The following LMF1 variants were observed in gnomAD, a reference collection of about 807,000 sequenced individuals.
LMF1 encodes transmembrane protein 112.
A neutral mutation model predicts 60.6 loss-of-function variants in LMF1; 68 were observed. The observed-to-expected ratio is 1.12, with a 90% CI of 0.92 to 1.37. The LOEUF (loss-of-function observed/expected upper bound fraction) is 1.37, where lower values mean the gene tolerates loss of function less well. Ranked by LOEUF, LMF1 falls within the 40% of genes most tolerant of loss-of-function variation. The pLI is 0.00. For synonymous variants in LMF1, 418 were observed against 324.7 expected (o/e 1.29, Z -3.09); for missense variants, 948 against 767.2 (o/e 1.24, Z -2.78).
chr16:924,080 C>G (rs147875924), intron 3 of LMF1, among the ~76,000 whole-genome samples: 386 of 152,242 alleles, frequency 2.5e-3, no homozygotes, highest in Non-Finnish European at 3.6e-3. Flanking sequence ...ACAATATTTA[C>G]AGAGTCAAAA....
chr16:968,076 C>T (rs964257822), intron 1 of LMF1, among the ~76,000 whole-genome samples: 2 of 152,234 alleles, frequency 1.3e-5, no homozygotes, highest in Non-Finnish European at 2.9e-5. Context: ...GCGGTATGCA[C>T]GTCTGTGTGC....
chr16:923,563 G>C lies in LMF1; in HGVS notation c.514+10681C>G, dbSNP rs141153819. On this transcript the variant is annotated intron_variant, in intron 3 of 10. Transcript: ENST00000262301. ...TAGGTTGAGACTAGCCTGAGCAACA[G>C]AGCAAGATCCCAGCTCTAAAAAAGA... Among the ~76,000 whole-genome samples, 214 of 152,288 alleles carry C rather than the reference G, an allele frequency of 1.4e-3. 1 individual carries two copies. Among genetic ancestry groups the C allele is most frequent in the African/African-American group, 4.7e-3 (196 of 41,560 alleles).
intron 3 of LMF1, chr16:931,859 T>G (rs2151784036): frequency 2.4e-6 from 3 of 1,243,692 alleles, no homozygotes; most frequent in Non-Finnish European, 3.1e-6. Context: ...ACATTAACAT[T>G]AATGAGTCAA....
At chr16:861,746 C>T (rs2069473421) in intron 10 of LMF1, among the ~76,000 whole-genome samples, 1 of 152,208 alleles carries the variant, frequency 6.6e-6, no homozygotes, top group South Asian at 2.1e-4. Context: ...AGTTTCGTTT[C>T]TTCCTTTGTG....
Position 917,330 on chromosome 16 carries a change from A to ACG in LMF1, c.515-6252_515-6251insCG, listed in dbSNP as rs1491300915. Reference sequence around the variant, plus strand: ...ACAGGCCCACGTGAAGAAATGCCACATGTGTGCACTGCGGGTGGGCGCAGG... The same window carrying ACG: ...ACAGGCCCACGTGAAGAAATGCCACACGTGTGTGCACTGCGGGTGGGCGCAGG... On this transcript the variant is annotated intron_variant, in intron 3 of 10. Transcript: ENST00000262301. Among the ~76,000 whole-genome samples, 126 of 97,008 alleles carry ACG rather than the reference A, an allele frequency of 1.3e-3. 5 individuals are homozygous for ACG. Among genetic ancestry groups the ACG allele is most frequent in the African/African-American group, 6.3e-3 (114 of 17,994 alleles). The allele number at this position is 97,008 out of a possible 152,430, so 63.6% of individuals were successfully genotyped here.
intron 2 of LMF1, among the ~76,000 whole-genome samples, chr16:948,391 G>A (rs1470267924): frequency 6.6e-6 from 1 of 150,412 alleles, no homozygotes; most frequent in African/African-American, 2.4e-5. Flanking sequence ...GCCAACGTCA[G>A]AGTCAGCCAA....
In LMF1 at chr16:911,065, G is replaced by A. The variant is rs567116600; in HGVS notation, c.529C>T (p.Leu177Phe). ...ATCCCCAGGAACCCCGTCTCCAGAA[G>A]CTGGGACTCCCATCCTAAAACAACG... ...VWYSFGWESQ[L>F]LETGFLGIFL... Residue 177 changes from leucine (L) to phenylalanine (F), a missense_variant, in exon 4 of 11, where the codon CTT (leucine) becomes TTT (phenylalanine). By Grantham distance (22) the Leu-to-Phe change is conservative. Coordinates refer to ENST00000262301, the MANE Select transcript of LMF1 (RefSeq NM_022773.4). The A allele has an allele frequency of 8.7e-6, 14 of 1,612,142 alleles. 1 individual carries two copies. The Middle Eastern group carries it at 4.9e-4, about 57-fold the overall frequency.
intron 3 of LMF1, chr16:931,633 G>C (rs1417293829): frequency 7.8e-7 from 1 of 1,286,200 alleles, no homozygotes; most frequent in Admixed American, 2.3e-5. Flanking sequence ...CCAGCACCCG[G>C]AGTCATACCT....
intron 10 of LMF1, among the ~76,000 whole-genome samples, chr16:863,239 C>G (rs1045259027): frequency 6.6e-6 from 1 of 152,166 alleles, no homozygotes; most frequent in Non-Finnish European, 1.5e-5. Context: ...AGTCTCGGCT[C>G]GAGCAATTCT....
At chr16:929,273 T>A (rs1480080905) in intron 3 of LMF1, among the ~76,000 whole-genome samples, 1 of 152,198 alleles carries the variant, frequency 6.6e-6, no homozygotes, top group South Asian at 2.1e-4. Flanking sequence ...CACCAAACTC[T>A]GCAGACGGGA....
At chr16:859,168 A>G (rs2042875091) in intron 10 of LMF1, among the ~76,000 whole-genome samples, 2 of 105,016 alleles carry the variant, frequency 1.9e-5, no homozygotes, top group South Asian at 3.7e-4. Flanking sequence ...GTGTCTCGGG[A>G]CGGGTGTGAG....
At chr16:941,467 C>T (rs2072099550) in intron 2 of LMF1, among the ~76,000 whole-genome samples, 3 of 152,236 alleles carry the variant, frequency 2.0e-5, no homozygotes. Flanking sequence ...AGGTGATCTG[C>T]CTGCCTTGGC....
chr16:893,305 A>T, intron 4 of LMF1: 1 of 622,042 alleles, frequency 1.6e-6, no homozygotes, highest in South Asian at 1.5e-5. Flanking sequence ...GGGCGTGAGC[A>T]ACAGTGGCTT....
Position 954,626 on chromosome 16 carries a change from G to C in LMF1, c.234C>G (p.Leu78=), listed in dbSNP as rs149929337. ...FLVAFHQNKQ[L]IGDRGLLPCR... ...AGGGAAGCAGCCCCCTGTCACCGAT[G>C]AGCTGCTTGTTCTGATGGAAAGCCA... is the stretch of plus-strand genomic sequence containing the variant. The change falls in exon 2 of 11, where the codon CTC becomes CTG. Residue 78 remains leucine (L), a synonymous_variant. Coordinates refer to ENST00000262301, the MANE Select transcript of LMF1 (RefSeq NM_022773.4). 3,955 of 1,608,316 alleles carry C rather than the reference G, an allele frequency of 2.5e-3. 9 individuals carry two copies. The highest frequency in any genetic ancestry group is 5.0e-3 in the Middle Eastern group (30 of 6,036).
chr16:972,995 C>T (rs968798675), upstream of LMF1, among the ~76,000 whole-genome samples: 1 of 152,208 alleles, frequency 6.6e-6, no homozygotes, highest in African/African-American at 2.4e-5. Context: ...GGACCAGCAG[C>T]TCTGGTCGTG....
chr16:954,376 C>T lies in LMF1; in HGVS notation c.484G>A (p.Val162Ile). 1 of 1,612,508 alleles carries T rather than the reference C, an allele frequency of 6.2e-7. No individual in the cohort carries two copies. The highest frequency in any genetic ancestry group is 8.5e-7 in the Non-Finnish European group (1 of 1,179,650). Residue 162 changes from valine to isoleucine, a missense_variant, in exon 2 of 11, where the codon GTT (valine) becomes ATT (isoleucine). Coordinates refer to ENST00000262301, the MANE Select transcript of LMF1 (RefSeq NM_022773.4). ...ACTCACCAGACATGGCCCACATTAACCAGGGACATGTAGAGGCCCCACAGG... is the reference window on the plus strand; with the variant it reads ...ACTCACCAGACATGGCCCACATTAATCAGGGACATGTAGAGGCCCCACAGG... ...AALWGLYMSLVNVGHVWYSFG... is the reference protein window; with the variant it reads ...AALWGLYMSLINVGHVWYSFG...
At chr16:894,838 G>A (rs1413833669) in intron 4 of LMF1, among the ~76,000 whole-genome samples, 1 of 152,246 alleles carries the variant, frequency 6.6e-6, no homozygotes, top group Non-Finnish European at 1.5e-5. Context: ...CCTGGCTCCT[G>A]GTACCATGAC....
At chr16:886,017 G>C (rs1225103716) in intron 5 of LMF1, among the ~76,000 whole-genome samples, 1 of 152,170 alleles carries the variant, frequency 6.6e-6, no homozygotes, top group Non-Finnish European at 1.5e-5. Flanking sequence ...GACAATAAAG[G>C]AATTAAATTA....
At chr16:900,681 A>ATATGTG (rs1223478552) in intron 4 of LMF1, 1 of 90,812 alleles carries the variant, frequency 1.1e-5, no homozygotes, top group Non-Finnish European at 2.1e-5. Flanking sequence ...GCTAATTTTT[A>ATATGTG]TGTGTGTGTG....
Sources: gnomAD v4.1 joint callset for allele counts (sites outside exome capture counted in the v4.1 genomes callset) on GRCh38, gnomAD v4.1.1 for gene constraint, MANE v1.5 for transcripts, NCBI Gene and HGNC (gene_info 2026-07-23, HGNC 2026-07-21) for gene names.